The following CDKL4 variants were observed in gnomAD, a reference collection of about 807,000 sequenced individuals.
CDKL4 encodes the protein cyclin-dependent kinase-like 4.
In CDKL4, 44 loss-of-function variants were observed where a neutral mutation model predicts 42.0. The ratio of observed to expected loss-of-function variants is 1.05; its 90% confidence interval spans 0.82 to 1.35. The LOEUF is 1.35. Ranked by LOEUF, CDKL4 falls within the 40% of genes most tolerant of loss-of-function variation. The probability of loss-of-function intolerance (pLI) is 0.00; values close to 1 mark genes in which losing one functional copy is unlikely to be tolerated. For synonymous variants in CDKL4, 120 were observed against 121.6 expected, an observed-to-expected ratio of 0.99 and a Z score of 0.09; for missense variants, 393 against 369.9, an observed-to-expected ratio of 1.06 and a Z score of -0.51.
intron 6 of CDKL4, among the ~76,000 whole-genome samples, chr2:39,189,075 G>T (rs1177543733): frequency 6.6e-6 from 1 of 152,184 alleles, no homozygotes; most frequent in African/African-American, 2.4e-5. Flanking sequence ...GACAAACAAA[G>T]TGTGGCCTGC....
intron 3 of CDKL4, among the ~76,000 whole-genome samples, chr2:39,223,487 A>G (rs1678498399): frequency 6.6e-6 from 1 of 151,912 alleles, no homozygotes; most frequent in South Asian, 2.1e-4. Context: ...AATTTAACAG[A>G]TGAGAAATGG....
chr2:39,190,170 C>A, intron 6 of CDKL4, 135 bp downstream of exon 6: 2 of 620,482 alleles, frequency 3.2e-6, no homozygotes, highest in Non-Finnish European at 2.6e-6. Flanking sequence ...GAACTGAGAA[C>A]AACCATCCTG....
At chr2:39,230,168 T>C (rs1347439263) in intron 1 of CDKL4, among the ~76,000 whole-genome samples, 3 of 152,176 alleles carry the variant, frequency 2.0e-5, no homozygotes, top group Non-Finnish European at 4.4e-5. Context: ...TCACCTGAGG[T>C]TGGGAGTTCA....
chr2:39,243,326 TAAC>T (rs1679757669), intron 1 of CDKL4, among the ~76,000 whole-genome samples: 1 of 152,154 alleles, frequency 6.6e-6, no homozygotes, highest in South Asian at 2.1e-4. Context: ...TTTATCAACA[TAAC>T]AGTGAATTAT....
intron 8 of CDKL4, among the ~76,000 whole-genome samples, chr2:39,183,595 G>T (rs989842941): frequency 2.6e-5 from 4 of 152,142 alleles, no homozygotes; most frequent in Non-Finnish European, 4.4e-5. Context: ...CTGAGAATTC[G>T]TTGGGCTTGC....
chr2:39,211,053 C>A (rs897642006), intron 4 of CDKL4, among the ~76,000 whole-genome samples: 6 of 152,172 alleles, frequency 3.9e-5, no homozygotes, highest in African/African-American at 1.4e-4. Context: ...TACTCTGTAT[C>A]ATTGCCTCAG....
At chr2:39,183,945 G>A (rs558681631) in intron 8 of CDKL4, among the ~76,000 whole-genome samples, 192 of 152,248 alleles carry the variant, frequency 1.3e-3, no homozygotes, top group African/African-American at 4.5e-3. Flanking sequence ...TGGCCCCACC[G>A]TCTAGATCAG....
At chr2:39,244,828 T>A (rs1439651743), upstream of CDKL4, among the ~76,000 whole-genome samples, 1 of 152,122 alleles carries the variant, frequency 6.6e-6, no homozygotes, top group Non-Finnish European at 1.5e-5. Context: ...TCAAGGTTTG[T>A]AAACACACCA....
intron 9 of CDKL4, among the ~76,000 whole-genome samples, chr2:39,177,146 C>T (rs1173358599): frequency 2.0e-5 from 3 of 152,098 alleles, no homozygotes; most frequent in Non-Finnish European, 2.9e-5. Context: ...GCCTCTGGGC[C>T]TTTTGGAAGG....
At chr2:39,213,547 G>A in intron 3 of CDKL4, 75 bp from the exon 4 acceptor site, 1 of 926,888 alleles carries the variant, frequency 1.1e-6, no homozygotes, top group South Asian at 1.4e-5. Context: ...GAATAGAAGT[G>A]GAGTGGTGAG....
intron 4 of CDKL4, among the ~76,000 whole-genome samples, chr2:39,212,109 C>G (rs780803782): frequency 6.6e-6 from 1 of 152,198 alleles, no homozygotes; most frequent in African/African-American, 2.4e-5. Context: ...TCTTGGGGCC[C>G]TACCCAAGAC....
At chr2:39,200,181 G>A (rs1307301607) in intron 5 of CDKL4, among the ~76,000 whole-genome samples, 6 of 152,036 alleles carry the variant, frequency 3.9e-5, no homozygotes, top group South Asian at 4.1e-4. Flanking sequence ...CAGTAGCCCC[G>A]CTATATACCA....
chr2:39,210,192 T>C (rs538260509), intron 4 of CDKL4, among the ~76,000 whole-genome samples: 1 of 152,272 alleles, frequency 6.6e-6, no homozygotes, highest in African/African-American at 2.4e-5. Flanking sequence ...GGTTTCACCA[T>C]GTTGGCCAGG....
intron 5 of CDKL4, among the ~76,000 whole-genome samples, chr2:39,192,645 G>A (rs1055602971): frequency 6.8e-6 from 1 of 147,130 alleles, no homozygotes; most frequent in East Asian, 2.0e-4. Flanking sequence ...TTTTTTCATT[G>A]AATTCTATGC....
At chr2:39,178,592 C>T in intron 9 of CDKL4, 1 of 1,554,266 alleles carries the variant, frequency 6.4e-7, no homozygotes, top group African/African-American at 1.4e-5. Flanking sequence ...GAAGGACAGT[C>T]ACCTGATAAA....
intron 3 of CDKL4, among the ~76,000 whole-genome samples, chr2:39,213,977 G>T (rs1242636583): frequency 2.6e-5 from 4 of 151,992 alleles, no homozygotes; most frequent in African/African-American, 9.7e-5. Context: ...GAGTGCAGTG[G>T]CATGATCTCA....
At chr2:39,177,370 C>A (rs945751910) in intron 9 of CDKL4, among the ~76,000 whole-genome samples, 1 of 151,870 alleles carries the variant, frequency 6.6e-6, no homozygotes, top group African/African-American at 2.4e-5. Flanking sequence ...CACTGTGGAC[C>A]CTCCCAGGCC....
At chr2:39,178,664 TAGA>T in intron 9 of CDKL4, 2 of 1,603,832 alleles carry the variant, frequency 1.2e-6, no homozygotes, top group Non-Finnish European at 1.7e-6. Flanking sequence ...GCCCATTGGG[TAGA>T]ATTTGGTTCC....
At chr2:39,245,134 C>G (rs915604979), upstream of CDKL4, among the ~76,000 whole-genome samples, 4 of 152,196 alleles carry the variant, frequency 2.6e-5, no homozygotes, top group African/African-American at 9.7e-5. Context: ...CCTTTCCACA[C>G]TGTGGAAGCT....
Sources: gnomAD v4.1 joint callset for allele counts (sites outside exome capture counted in the v4.1 genomes callset) on GRCh38, gnomAD v4.1.1 for gene constraint, MANE v1.5 for transcripts, NCBI Gene and HGNC (gene_info 2026-07-23, HGNC 2026-07-21) for gene names.